The following OR10A5 variants were observed in gnomAD, a reference collection of about 807,000 sequenced individuals.
The protein encoded by OR10A5 is olfactory receptor family 10 subfamily A member 5.
OR10A5 carries 7 observed loss-of-function variants against 6.0 expected under a neutral mutation model. The observed-to-expected ratio is 1.17, with a 90% CI of 0.66 to 2.20. OR10A5 has a LOEUF of 2.20. Ranked by LOEUF, OR10A5 falls within the 30% of genes most tolerant of loss-of-function variation. The pLI is 0.00. For missense variants in OR10A5, 369 were observed against 378.1 expected (o/e 0.98, Z 0.20); for synonymous variants, 149 against 148.8 (o/e 1.00, Z -0.01).
In OR10A5 at chr11:6,846,456, C is replaced by T. The variant is rs761632501; in HGVS notation, c.774C>T (p.Leu258=). The change falls in exon 1 of 1, where the codon CTC becomes CTT. Residue 258 remains leucine, a synonymous_variant. Coordinates refer to ENST00000299454, the MANE Select transcript of OR10A5 (RefSeq NM_178168.1). Reference sequence around the variant, plus strand: ...CTCTTTTCTATATATCTTCTAGCCTCACCTACTTCTGGCCTAAATCAAATA... The same window carrying T: ...CTCTTTTCTATATATCTTCTAGCCTTACCTACTTCTGGCCTAAATCAAATA... ...VVSLFYISSS[L]TYFWPKSNNS... is the part of the protein sequence containing the mutation. 6.2e-7 allele frequency: 1 copy of T among 1,614,158 alleles called. No homozygotes were observed. The highest frequency in any genetic ancestry group is 8.5e-7 in the Non-Finnish European group (1 of 1,180,010).
chr11:6,846,399 C>T lies in OR10A5; in HGVS notation c.717C>T (p.Phe239=), dbSNP rs781595834. The T allele has an allele frequency of 2.5e-6, 4 of 1,614,180 alleles. No individual in the cohort carries two copies. In the South Asian group the frequency reaches 3.3e-5, roughly 13 times the overall value. The part of the protein sequence containing the change: ...IPSAKGKHKA[F]STCSSHLLVV... ...CAGCTAAAGGGAAGCATAAAGCCTTCTCTACGTGCTCCTCACACCTCCTTG... is the reference window on the plus strand; with the variant it reads ...CAGCTAAAGGGAAGCATAAAGCCTTTTCTACGTGCTCCTCACACCTCCTTG... Residue 239 remains phenylalanine, a synonymous_variant, in exon 1 of 1, where the codon TTC becomes TTT. Coordinates refer to ENST00000299454, the MANE Select transcript of OR10A5 (RefSeq NM_178168.1).
At position 6,846,022 on chromosome 11, in the gene OR10A5, T is replaced by C. The variant is rs1274909894; in HGVS notation, c.340T>C (p.Phe114Leu). The C allele has an allele frequency of 6.2e-7, 1 of 1,614,098 alleles. No individual in the cohort carries two copies. Among genetic ancestry groups the C allele is most frequent in the African/African-American group, 1.3e-5 (1 of 74,936 alleles). The change falls in exon 1 of 1, where the codon TTC becomes CTC. Residue 114 changes from phenylalanine to leucine, a missense_variant. Coordinates refer to ENST00000299454, the MANE Select transcript of OR10A5 (RefSeq NM_178168.1). ...FFFFFGVAECFLLATMAYDRY... is the reference protein window; with the variant it reads ...FFFFFGVAECLLLATMAYDRY... ...CTTCTTCTTTGGGGTAGCTGAATGCTTCCTCCTGGCTACCATGGCATATGA... is the reference window on the plus strand; with the variant it reads ...CTTCTTCTTTGGGGTAGCTGAATGCCTCCTCCTGGCTACCATGGCATATGA...
At position 6,846,033 on chromosome 11, in the gene OR10A5, T is replaced by C; in HGVS notation, c.351T>C (p.Ala117=). ...GGGTAGCTGAATGCTTCCTCCTGGC[T>C]ACCATGGCATATGACCGCTATGTGG... ...FFGVAECFLL[A]TMAYDRYVAI... is the part of the protein sequence containing the mutation. The change falls in exon 1 of 1, where the codon GCT becomes GCC. Residue 117 remains alanine, a synonymous_variant. Transcript: ENST00000299454. 2 of 1,614,218 alleles carry C rather than the reference T, an allele frequency of 1.2e-6. No homozygotes were observed. The highest frequency in any genetic ancestry group is 1.7e-6 in the Non-Finnish European group (2 of 1,180,024).
rs753201880 is a variant in OR10A5 at position 6,846,515 on chromosome 11, C to G, written c.833C>G (p.Ser278Cys). 9 of 1,613,744 alleles carry G rather than the reference C, an allele frequency of 5.6e-6. No individual in the cohort carries two copies. The highest frequency in any genetic ancestry group is 2.2e-5 in the East Asian group (1 of 44,890). ...SPESKKLLSL[S>C]YTVVTPMLNP... is the part of the protein sequence containing the mutation. ...GAGAGCAAGAAGTTGTTATCATTAT[C>G]CTACACTGTTGTGACTCCCATGTTG... Residue 278 changes from serine (S) to cysteine (C), a missense_variant, in exon 1 of 1, where the codon TCC becomes TGC. Ser to Cys is a moderately radical substitution (Grantham distance 112). Coordinates refer to ENST00000299454, the MANE Select transcript of OR10A5 (RefSeq NM_178168.1).
chr11:6,845,792 T>C lies in OR10A5; in HGVS notation c.110T>C (p.Leu37Ser). ...TTCCTGACATTTCTAACTATCTATT[T>C]GGTTACTCTGAAGGGAAACAGCCTC... ...LLFLTFLTIY[L>S]VTLKGNSLII... The change falls in exon 1 of 1, where the codon TTG becomes TCG. Residue 37 changes from leucine (L) to serine (S), a missense_variant. Coordinates refer to ENST00000299454, the MANE Select transcript of OR10A5 (RefSeq NM_178168.1). The C allele has an allele frequency of 6.2e-7, 1 of 1,613,992 alleles. No individual in the cohort carries two copies. Among genetic ancestry groups the C allele is most frequent in the Non-Finnish European group, 8.5e-7 (1 of 1,179,804 alleles).
In OR10A5 at chr11:6,846,281, C is replaced by A. The variant is rs1280471096; in HGVS notation, c.599C>A (p.Ala200Asp). The A allele has an allele frequency of 5.0e-6, 8 of 1,614,180 alleles. No individual in the cohort carries two copies. In the East Asian group the frequency reaches 1.8e-4, roughly 36 times the overall value. The change falls in exon 1 of 1, where the codon GCC (alanine) becomes GAC (aspartate). Residue 200 changes from alanine (A) to aspartate (D), a missense_variant. Transcript: ENST00000299454. Reference protein sequence around the residue: ...CADTALFEIYAIVGTILVVMI... With the variant: ...CADTALFEIYDIVGTILVVMI... ...GACACAGCACTGTTTGAGATCTACG[C>A]CATCGTCGGAACCATTCTGGTGGTC...
Position 6,845,723 on chromosome 11 carries a change from T to G in OR10A5, c.41T>G (p.Leu14Arg). The G allele has an allele frequency of 1.2e-6, 2 of 1,611,094 alleles. No individual in the cohort carries two copies. The highest frequency in any genetic ancestry group is 2.2e-5 in the East Asian group (1 of 44,876). Reference protein sequence around the residue: ...GNWTEISEFILMSFSSLPTEI... With the variant: ...GNWTEISEFIRMSFSSLPTEI... ...TGGACAGAAATAAGTGAATTTATCC[T>G]CATGAGCTTCTCTTCCCTACCTACT... The change falls in exon 1 of 1, where the codon CTC becomes CGC. Residue 14 changes from leucine (L) to arginine (R), a missense_variant. By Grantham distance (102) the Leu-to-Arg change is moderately radical. Coordinates refer to ENST00000299454, the MANE Select transcript of OR10A5 (RefSeq NM_178168.1).
rs138436507 is a variant in OR10A5 at position 6,845,862 on chromosome 11, G to A, written c.180G>A (p.Met60Ile). The A allele has an allele frequency of 1.2e-6, 2 of 1,614,156 alleles. No homozygotes were observed. The highest frequency in any genetic ancestry group is 1.7e-6 in the Non-Finnish European group (2 of 1,180,012). The change falls in exon 1 of 1, where the codon ATG becomes ATA. Residue 60 changes from methionine (M) to isoleucine (I), a missense_variant. Met to Ile is a conservative substitution (Grantham distance 10). Transcript: ENST00000299454. Reference sequence around the variant, plus strand: ...CTGACCCCATGCTACACAGCCCCATGTACTTCTTCCTCAGAAACTTATCTT... The same window carrying A: ...CTGACCCCATGCTACACAGCCCCATATACTTCTTCCTCAGAAACTTATCTT... ...TLADPMLHSP[M>I]YFFLRNLSFL...
Position 6,846,391 on chromosome 11 carries a change from A to G in OR10A5, c.709A>G (p.Lys237Glu), listed in dbSNP as rs1848212869. 4 of 1,614,078 alleles carry G rather than the reference A, an allele frequency of 2.5e-6. No individual in the cohort carries two copies. The highest frequency in any genetic ancestry group is 3.4e-6 in the Non-Finnish European group (4 of 1,180,016). ...LKIPSAKGKH[K>E]AFSTCSSHLL... ...GATCCCATCAGCTAAAGGGAAGCAT[A>G]AAGCCTTCTCTACGTGCTCCTCACA... The change falls in exon 1 of 1, where the codon AAA becomes GAA. Residue 237 changes from lysine (K) to glutamate (E), a missense_variant. Physicochemically the swap from Lys to Glu is moderately conservative, Grantham distance 56. Coordinates refer to ENST00000299454, the MANE Select transcript of OR10A5 (RefSeq NM_178168.1).
At position 6,846,604 on chromosome 11, in the gene OR10A5, A is replaced by G; in HGVS notation, c.922A>G (p.Lys308Glu). The change falls in exon 1 of 1, where the codon AAG becomes GAG. Residue 308 changes from lysine (K) to glutamate (E), a missense_variant. Transcript: ENST00000299454. ...GAATGCCCTCAGCAGGACCTTCCAC[A>G]AGGTCCTAGCCCTCAGAAACTGTAT... ...VKNALSRTFH[K>E]VLALRNCIP The G allele has an allele frequency of 6.2e-7, 1 of 1,610,106 alleles. No individual in the cohort carries two copies. Among genetic ancestry groups the G allele is most frequent in the Non-Finnish European group, 8.5e-7 (1 of 1,177,436 alleles).
At position 6,846,289 on chromosome 11, in the gene OR10A5, G is replaced by T. The variant is rs754088372; in HGVS notation, c.607G>T (p.Gly203Ter). The change falls in exon 1 of 1, where the codon GGA becomes TGA. Residue 203 changes from glycine (G) to a stop codon, truncating the protein, a stop_gained. Coordinates refer to ENST00000299454, the MANE Select transcript of OR10A5 (RefSeq NM_178168.1). LOFTEE classifies it low-confidence loss of function (END_TRUNC). ...TALFEIYAIVGTILVVMIPCL... is the reference protein window; with the variant it reads ...TALFEIYAIV ...ACTGTTTGAGATCTACGCCATCGTC[G>T]GAACCATTCTGGTGGTCATGATCCC... 1 of 1,614,128 alleles carries T rather than the reference G, an allele frequency of 6.2e-7. No homozygotes were observed. The highest frequency in any genetic ancestry group is 8.5e-7 in the Non-Finnish European group (1 of 1,180,012).
rs898110345 is a variant in OR10A5 at position 6,846,259 on chromosome 11, A to G, written c.577A>G (p.Thr193Ala). 6.2e-7 allele frequency: 1 copy of G among 1,614,082 alleles called. No homozygotes were observed. The highest frequency in any genetic ancestry group is 8.5e-7 in the Non-Finnish European group (1 of 1,180,034). The change falls in exon 1 of 1, where the codon ACA becomes GCA. Residue 193 changes from threonine (T) to alanine (A), a missense_variant. By Grantham distance (58) the Thr-to-Ala change is moderately conservative (BLOSUM62 0). Transcript: ENST00000299454. ...PPVLKLVCADTALFEIYAIVG... is the reference protein window; with the variant it reads ...PPVLKLVCADAALFEIYAIVG... ...TGTGCTGAAGCTGGTCTGTGCAGAC[A>G]CAGCACTGTTTGAGATCTACGCCAT...
At position 6,846,198 on chromosome 11, in the gene OR10A5, C is replaced by G. The variant is rs1227837682; in HGVS notation, c.516C>G (p.Thr172=). The G allele has an allele frequency of 6.2e-7, 1 of 1,614,064 alleles. No homozygotes were observed. Among genetic ancestry groups the G allele is most frequent in the Non-Finnish European group, 8.5e-7 (1 of 1,180,020 alleles). The stretch of plus-strand genomic sequence containing the variant: ...TCTTCAGTTTTCCATTCTGTGGCAC[C>G]AACAAGGTGAACCACTTCTTCTGTG... ...TWLFSFPFCG[T]NKVNHFFCDS... is the part of the protein sequence containing the mutation. The change falls in exon 1 of 1, where the codon ACC becomes ACG. Residue 172 remains threonine (T), a synonymous_variant. Coordinates refer to ENST00000299454, the MANE Select transcript of OR10A5 (RefSeq NM_178168.1).
rs141938835 is a variant in OR10A5 at position 6,846,106 on chromosome 11, C to T, written c.424C>T (p.Arg142Trp). 5.8e-4 allele frequency: 931 copies of T among 1,614,224 alleles called. 4 individuals are homozygous for T. In the African/African-American group the frequency reaches 0.011, roughly 19 times the overall value. ...HYPVIMNQRT[R>W]AKLAAASWFP... ...CCCAGTCATCATGAACCAAAGGACA[C>T]GGGCCAAACTGGCTGCTGCTTCCTG... The change falls in exon 1 of 1, where the codon CGG (arginine) becomes TGG (tryptophan). Residue 142 changes from arginine to tryptophan, a missense_variant. Coordinates refer to ENST00000299454, the MANE Select transcript of OR10A5 (RefSeq NM_178168.1).
chr11:6,845,857 C>T lies in OR10A5; in HGVS notation c.175C>T (p.Pro59Ser). 1 of 1,614,160 alleles carries T rather than the reference C, an allele frequency of 6.2e-7. No homozygotes were observed. The highest frequency in any genetic ancestry group is 8.5e-7 in the Non-Finnish European group (1 of 1,180,006). ...CCTAGCTGACCCCATGCTACACAGC[C>T]CCATGTACTTCTTCCTCAGAAACTT... ...VTLADPMLHS[P>S]MYFFLRNLSF... The change falls in exon 1 of 1, where the codon CCC becomes TCC. Residue 59 changes from proline (P) to serine (S), a missense_variant. By Grantham distance (74) the Pro-to-Ser change is moderately conservative. Transcript: ENST00000299454.
rs2133058274 is a variant in OR10A5, at chr11:6,846,097, C to A, written c.415C>A (p.Gln139Lys). Residue 139 changes from glutamine (Q) to lysine (K), a missense_variant, in exon 1 of 1, where the codon CAA becomes AAA. Transcript: ENST00000299454. ...CTTGCACTACCCAGTCATCATGAAC[C>A]AAAGGACACGGGCCAAACTGGCTGC... ...SPLHYPVIMN[Q>K]RTRAKLAAAS... 6.2e-7 allele frequency: 1 copy of A among 1,614,242 alleles called. No individual in the cohort carries two copies. The highest frequency in any genetic ancestry group is 8.5e-7 in the Non-Finnish European group (1 of 1,180,042).
In OR10A5 at chr11:6,846,062, T is replaced by C. The variant is rs377607859; in HGVS notation, c.380T>C (p.Ile127Thr). The C allele has an allele frequency of 6.2e-7, 1 of 1,614,234 alleles. No homozygotes were observed. Among genetic ancestry groups the C allele is most frequent in the Non-Finnish European group, 8.5e-7 (1 of 1,180,038 alleles). Reference sequence around the variant, plus strand: ...ATGGCATATGACCGCTATGTGGCCATCTGCAGTCCCTTGCACTACCCAGTC... The same window carrying C: ...ATGGCATATGACCGCTATGTGGCCACCTGCAGTCCCTTGCACTACCCAGTC... Reference protein sequence around the residue: ...ATMAYDRYVAICSPLHYPVIM... With the variant: ...ATMAYDRYVATCSPLHYPVIM... Residue 127 changes from isoleucine (I) to threonine (T), a missense_variant, in exon 1 of 1, where the codon ATC becomes ACC. By Grantham distance (89) the Ile-to-Thr change is moderately conservative. Coordinates refer to ENST00000299454, the MANE Select transcript of OR10A5 (RefSeq NM_178168.1).
Position 6,846,358 on chromosome 11 carries a change from A to G in OR10A5, c.676A>G (p.Ile226Val), listed in dbSNP as rs1409409482. Residue 226 changes from isoleucine to valine, a missense_variant, in exon 1 of 1, where the codon ATC (isoleucine) becomes GTC (valine). By Grantham distance (29) the Ile-to-Val change is conservative. Transcript: ENST00000299454. ...TTCCTATACTCGCATTGCTGCTGCT[A>G]TCCTCAAGATCCCATCAGCTAAAGG... ...LCSYTRIAAAILKIPSAKGKH... is the reference protein window; with the variant it reads ...LCSYTRIAAAVLKIPSAKGKH... The G allele has an allele frequency of 1.2e-6, 2 of 1,614,082 alleles. No individual in the cohort carries two copies. The highest frequency in any genetic ancestry group is 3.3e-5 in the Admixed American group (2 of 60,004).
At position 6,846,200 on chromosome 11, in the gene OR10A5, A is replaced by G; in HGVS notation, c.518A>G (p.Asn173Ser). ...TTCAGTTTTCCATTCTGTGGCACCA[A>G]CAAGGTGAACCACTTCTTCTGTGAC... Reference protein sequence around the residue: ...WLFSFPFCGTNKVNHFFCDSP... With the variant: ...WLFSFPFCGTSKVNHFFCDSP... The change falls in exon 1 of 1, where the codon AAC (asparagine) becomes AGC (serine). Residue 173 changes from asparagine to serine, a missense_variant. Coordinates refer to ENST00000299454, the MANE Select transcript of OR10A5 (RefSeq NM_178168.1). 1 of 1,614,186 alleles carries G rather than the reference A, an allele frequency of 6.2e-7. No individual in the cohort carries two copies. The highest frequency in any genetic ancestry group is 2.2e-5 in the East Asian group (1 of 44,878).
Sources: gnomAD v4.1 joint callset for allele counts on GRCh38, gnomAD v4.1.1 for gene constraint, MANE v1.5 for transcripts, NCBI Gene and HGNC (gene_info 2026-07-23, HGNC 2026-07-21) for gene names.